EYS: variants seen among roughly 807,000 people sequenced by gnomAD.
The protein encoded by EYS is EGF-like photoreceptor maintenance factor, also known as protein eyes shut homolog.
A neutral mutation model predicts 282.1 loss-of-function variants in EYS; 250 were observed. The observed-to-expected ratio is 0.89, with a 90% CI of 0.80 to 0.98. The LOEUF is 0.98. Ranked by LOEUF, EYS falls within the 50% of genes least tolerant of loss-of-function variation. EYS has a pLI of 0.00. For missense variants in EYS, 4,016 were observed against 3,709.0 expected (o/e 1.08, Z -2.15); for synonymous variants, 1,355 against 1,282.9 (o/e 1.06, Z -1.20).
intron 27 of EYS, among the ~76,000 whole-genome samples, chr6:64,437,842 G>T (rs1274974152): frequency 6.6e-6 from 1 of 150,726 alleles, no homozygotes; most frequent in Non-Finnish European, 1.5e-5. Flanking sequence ...TTTAAAGAAA[G>T]TCAAACTAAG....
At chr6:63,827,866 A>AT (rs764697654) in intron 36 of EYS, among the ~76,000 whole-genome samples, 7 of 148,504 alleles carry the variant, frequency 4.7e-5, no homozygotes, top group Admixed American at 2.7e-4. Context: ...AAAAAAAAAA[A>AT]AAAAAGAAAT....
Position 65,034,781 on chromosome 6 carries a change from G to C in EYS, c.2137+22833C>G, listed in dbSNP as rs1458285306. On this transcript the variant is annotated intron_variant, in intron 13 of 42. Transcript: ENST00000503581. Reference sequence around the variant, plus strand: ...ATTTATTTATAGCAATATAAAAATAGCCTAACACTAGCTACTACAATTCCT... The same window carrying C: ...ATTTATTTATAGCAATATAAAAATACCCTAACACTAGCTACTACAATTCCT... 3.9e-5 allele frequency among the ~76,000 whole-genome samples: 6 copies of C among 152,052 alleles called. No homozygotes were observed. In the East Asian group the frequency reaches 9.7e-4, roughly 25 times the overall value.
At chr6:63,881,932 C>T (rs1773143507) in intron 35 of EYS, among the ~76,000 whole-genome samples, 1 of 152,138 alleles carries the variant, frequency 6.6e-6, no homozygotes, top group Non-Finnish European at 1.5e-5. Context: ...GAGACTTAGA[C>T]AAGTTGACTA....
At chr6:64,786,188 ATT>A (rs60974312) in intron 22 of EYS, among the ~76,000 whole-genome samples, 1,526 of 141,520 alleles carry the variant, frequency 0.011, 20 homozygotes, top group African/African-American at 0.025. Flanking sequence ...CTGGTTCTAC[ATT>A]TTTTTTTTTT....
intron 8 of EYS, among the ~76,000 whole-genome samples, chr6:65,368,676 T>A (rs866759544): frequency 6.6e-6 from 1 of 151,690 alleles, no homozygotes; most frequent in African/African-American, 2.4e-5. Context: ...TTAAAATATA[T>A]CATAGAACTA....
At chr6:64,434,455 A>C (rs979620727) in intron 28 of EYS, among the ~76,000 whole-genome samples, 4 of 152,048 alleles carry the variant, frequency 2.6e-5, no homozygotes, top group Non-Finnish European at 2.9e-5. Context: ...GTGTGTGTTA[A>C]TTAATATTGT....
At chr6:64,833,861 C>T (rs1765298126) in intron 19 of EYS, among the ~76,000 whole-genome samples, 1 of 151,796 alleles carries the variant, frequency 6.6e-6, no homozygotes, top group Non-Finnish European at 1.5e-5. Flanking sequence ...TTACAGAATC[C>T]TGGGGCTTTG....
At chr6:65,369,742 T>C (rs1178574345) in intron 8 of EYS, among the ~76,000 whole-genome samples, 1 of 151,642 alleles carries the variant, frequency 6.6e-6, no homozygotes, top group Non-Finnish European at 1.5e-5. Context: ...TTGGCTTCTA[T>C]AGCCAAACGC....
Position 65,063,249 on chromosome 6 carries a change from T to G in EYS, c.2024-5522A>C, listed in dbSNP as rs144217879. Among the ~76,000 whole-genome samples, 602 of 152,144 alleles carry G rather than the reference T, an allele frequency of 4.0e-3. 6 individuals carry two copies. The highest frequency in any genetic ancestry group is 0.014 in the African/African-American group (564 of 41,558). ...TTATTAAATCTGGTTATTATTAATG[T>G]AGAGGTGGAAGCTATTGCTTATCCT... On this transcript the variant is annotated intron_variant, in intron 12 of 42. Transcript: ENST00000503581.
chr6:64,461,400 AG>A (rs1775741180), intron 26 of EYS, among the ~76,000 whole-genome samples: 1 of 152,166 alleles, frequency 6.6e-6, no homozygotes, highest in Non-Finnish European at 1.5e-5. Flanking sequence ...TGTGAGATGC[AG>A]GAGGAAGGTT....
chr6:64,105,259 CA>C lies in EYS; in HGVS notation c.6425-23258del, dbSNP rs1772969556. Among the ~76,000 whole-genome samples the C allele has an allele frequency of 2.0e-5, 3 of 152,170 alleles. No homozygotes were observed. In the South Asian group the frequency reaches 6.2e-4, roughly 32 times the overall value. On this transcript the variant is annotated intron_variant, in intron 31 of 42. Coordinates refer to ENST00000503581, the MANE Select transcript of EYS (RefSeq NM_001142800.2). Reference sequence around the variant, plus strand: ...TTATTGAACATCGCTACGTGCCAGGCAATGCTCTCAAAAGCACTATTATCTC... The same window carrying C: ...TTATTGAACATCGCTACGTGCCAGGCATGCTCTCAAAAGCACTATTATCTC...
chr6:65,293,485 G>T (rs1480037338), intron 12 of EYS, among the ~76,000 whole-genome samples: 1 of 151,778 alleles, frequency 6.6e-6, no homozygotes, highest in East Asian at 1.9e-4. Flanking sequence ...GCTTCTTCAA[G>T]AACTCCAGAG....
At chr6:65,394,803 C>A (rs950834179) in intron 7 of EYS, among the ~76,000 whole-genome samples, 8 of 152,126 alleles carry the variant, frequency 5.3e-5, no homozygotes, top group African/African-American at 1.7e-4. Context: ...TGTAAACTCT[C>A]AAGTGGTGGT....
chr6:64,072,101 CATA>C (rs1771603403), intron 32 of EYS, among the ~76,000 whole-genome samples: 1 of 151,806 alleles, frequency 6.6e-6, no homozygotes, highest in Non-Finnish European at 1.5e-5. Flanking sequence ...CAAAGTAATA[CATA>C]ATAATAAAAA....
chr6:64,635,532 A>C (rs947283971), intron 22 of EYS, among the ~76,000 whole-genome samples: 1 of 152,176 alleles, frequency 6.6e-6, no homozygotes, highest in African/African-American at 2.4e-5. Context: ...TTTAGCATGA[A>C]GTAGTTGTTG....
rs1294585713 is a variant in EYS at position 64,081,896 on chromosome 6, C to G, written c.6531G>C (p.Leu2177Phe). 13 of 1,542,520 alleles carry G rather than the reference C, an allele frequency of 8.4e-6. No individual in the cohort carries two copies. In the Admixed American group the frequency reaches 9.9e-5, roughly 12 times the overall value. ...CATTTAAACTGTTTGTTTTTATAGT[C>G]AAGTAGATGGTAACAGTTCTGTTAT... is the stretch of plus-strand genomic sequence containing the variant. The part of the protein sequence containing the change: ...KEHNRTVTIY[L>F]TIKTNSLNGT... The change falls in exon 32 of 43, where the codon TTG (leucine) becomes TTC (phenylalanine). Residue 2177 changes from leucine (L) to phenylalanine (F), a missense_variant. By Grantham distance (22) the Leu-to-Phe change is conservative. Coordinates refer to ENST00000503581, the MANE Select transcript of EYS (RefSeq NM_001142800.2).
chr6:64,110,033 G>C (rs1454383891), intron 31 of EYS, among the ~76,000 whole-genome samples: 2 of 152,066 alleles, frequency 1.3e-5, no homozygotes, highest in African/African-American at 4.8e-5. Context: ...CACATTGTTT[G>C]GCTGGTAGGC....
At chr6:64,114,529 A>C (rs74321256) in intron 31 of EYS, among the ~76,000 whole-genome samples, 6,417 of 152,232 alleles carry the variant, frequency 0.042, 398 homozygotes, top group African/African-American at 0.14. Flanking sequence ...AAATAATCGC[A>C]TAGAGAGGAT....
At chr6:64,840,119 G>T (rs930964073) in intron 19 of EYS, among the ~76,000 whole-genome samples, 3 of 152,000 alleles carry the variant, frequency 2.0e-5, no homozygotes, top group Admixed American at 1.3e-4. Context: ...TAAGAACTTT[G>T]CTTTTGCTAC....
Sources: allele counts gnomAD v4.1 joint callset (sites outside exome capture counted in the v4.1 genomes callset), GRCh38; gene constraint gnomAD v4.1.1; transcripts MANE v1.5; gene names NCBI Gene and HGNC (gene_info 2026-07-23, HGNC 2026-07-21).